Variants in ERBB4 observed in about 807,000 individuals in gnomAD.
The protein encoded by ERBB4 is receptor tyrosine-protein kinase erbB-4.
ERBB4 carries 42 observed loss-of-function variants against 158.0 expected under a neutral mutation model. The ratio of observed to expected loss-of-function variants is 0.27; its 90% CI spans 0.21 to 0.34. ERBB4 has a LOEUF of 0.34. ERBB4 is among the 10% of genes least tolerant of loss of function. ERBB4 has a pLI of 1.00. For synonymous variants in ERBB4, 583 were observed against 558.7 expected, an observed-to-expected ratio of 1.04 and a Z score of -0.61; for missense variants, 1,333 against 1,624.1, an observed-to-expected ratio of 0.82 and a Z score of 3.08.
intron 2 of ERBB4, among the ~76,000 whole-genome samples, chr2:212,067,812 T>C (rs1185080961): frequency 3.3e-5 from 5 of 152,036 alleles, no homozygotes; most frequent in African/African-American, 1.2e-4. Flanking sequence ...GTCTTTAAGA[T>C]TTCACAATAA....
intron 2 of ERBB4, among the ~76,000 whole-genome samples, chr2:211,983,471 G>C (rs1280986823): frequency 1.4e-4 from 21 of 152,160 alleles, no homozygotes. Flanking sequence ...TATTCAATCA[G>C]TATCCCAGTG....
At chr2:212,345,392 T>C (rs1472557504) in intron 1 of ERBB4, among the ~76,000 whole-genome samples, 1 of 152,140 alleles carries the variant, frequency 6.6e-6, no homozygotes, top group African/African-American at 2.4e-5. Flanking sequence ...GTGGAGCAAC[T>C]GTGCTCCCAC....
intron 1 of ERBB4, among the ~76,000 whole-genome samples, chr2:212,371,075 TC>T (rs2090068502): frequency 6.6e-6 from 1 of 152,158 alleles, no homozygotes; most frequent in Admixed American, 6.5e-5. Flanking sequence ...CAGCAGTTTC[TC>T]AGTGAAAGCC....
At chr2:212,410,263 T>TAAGTTA (rs1428892287) in intron 1 of ERBB4, among the ~76,000 whole-genome samples, 1 of 102,978 alleles carries the variant, frequency 9.7e-6, no homozygotes, top group Non-Finnish European at 2.2e-5. Flanking sequence ...TGTGTTAGTG[T>TAAGTTA]GAGTTAGAGA....
intron 1 of ERBB4, among the ~76,000 whole-genome samples, chr2:212,432,878 G>C (rs2092059293): frequency 6.6e-6 from 1 of 151,984 alleles, no homozygotes; most frequent in African/African-American, 2.4e-5. Context: ...TGGTCGGTGA[G>C]GATAGTAATG....
chr2:211,680,996 T>C (rs1454598670), intron 12 of ERBB4, among the ~76,000 whole-genome samples: 1 of 152,226 alleles, frequency 6.6e-6, no homozygotes, highest in Non-Finnish European at 1.5e-5. Flanking sequence ...CATGACCTTA[T>C]GTAATCCTTG....
intron 20 of ERBB4, among the ~76,000 whole-genome samples, chr2:211,481,945 A>C (rs376506933): frequency 6.6e-6 from 1 of 152,158 alleles, no homozygotes; most frequent in Admixed American, 6.5e-5. Flanking sequence ...GAAGAATGTG[A>C]CCCCTGAGAA....
intron 3 of ERBB4, among the ~76,000 whole-genome samples, chr2:211,836,500 G>C (rs1343405069): frequency 2.0e-5 from 3 of 152,004 alleles, no homozygotes; most frequent in Non-Finnish European, 4.4e-5. Context: ...TTTATTAGAA[G>C]GTAGTCACAT....
intron 9 of ERBB4, among the ~76,000 whole-genome samples, chr2:211,710,249 G>T (rs1259722211): frequency 2.0e-5 from 3 of 152,142 alleles, no homozygotes; most frequent in African/African-American, 7.2e-5. Context: ...CACAGTGAAA[G>T]GCTTGAGGCT....
intron 21 of ERBB4, among the ~76,000 whole-genome samples, chr2:211,429,989 C>G (rs2063715162): frequency 6.7e-6 from 1 of 150,164 alleles, no homozygotes; most frequent in Non-Finnish European, 1.5e-5. Context: ...ATGCTGTGGT[C>G]TCAGACTACT....
intron 1 of ERBB4, among the ~76,000 whole-genome samples, chr2:212,537,878 C>T (rs1035950402): frequency 1.6e-4 from 24 of 152,138 alleles, no homozygotes; most frequent in Non-Finnish European, 2.8e-4. Flanking sequence ...CCGCCTGCTG[C>T]ACTCCGGCTG....
chr2:211,602,043 G>C lies in ERBB4; in HGVS notation c.2301+17134C>G, dbSNP rs560440722. Among the ~76,000 whole-genome samples, 3 of 152,142 alleles carry C rather than the reference G, an allele frequency of 2.0e-5. No individual in the cohort carries two copies. In the East Asian group the frequency reaches 5.8e-4, roughly 30 times the overall value. On this transcript the variant is annotated intron_variant, in intron 19 of 27. Transcript: ENST00000342788. Reference sequence around the variant, plus strand: ...TTAAGATTTTAGGTAGCAGTCTCAGGAGGGATGCTGCAGGAAGAAGAGGCT... The same window carrying C: ...TTAAGATTTTAGGTAGCAGTCTCAGCAGGGATGCTGCAGGAAGAAGAGGCT...
chr2:211,871,507 T>TAAA (rs547311934), intron 3 of ERBB4, among the ~76,000 whole-genome samples: 1 of 139,940 alleles, frequency 7.1e-6, no homozygotes. Context: ...GCTTTGGCAT[T>TAAA]AAAAAAAAAA....
chr2:211,680,702 T>C (rs1328139086), intron 12 of ERBB4, among the ~76,000 whole-genome samples: 2 of 152,196 alleles, frequency 1.3e-5, no homozygotes, highest in Non-Finnish European at 2.9e-5. Context: ...TTGTTCTATA[T>C]CCTGGGGTTA....
intron 25 of ERBB4, among the ~76,000 whole-genome samples, chr2:211,418,691 TA>T (rs988846232): frequency 1.3e-5 from 2 of 152,066 alleles, no homozygotes; most frequent in African/African-American, 4.8e-5. Context: ...TATTTTTTTT[TA>T]AATTTCACTG....
At chr2:211,815,038 T>C (rs932496957) in intron 3 of ERBB4, among the ~76,000 whole-genome samples, 1 of 152,208 alleles carries the variant, frequency 6.6e-6, no homozygotes, top group East Asian at 1.9e-4. Flanking sequence ...TACCTCTTTT[T>C]CCTCTCAAAA....
intron 2 of ERBB4, among the ~76,000 whole-genome samples, chr2:212,095,047 T>A (rs548457041): frequency 6.6e-6 from 1 of 152,218 alleles, no homozygotes; most frequent in Non-Finnish European, 1.5e-5. Flanking sequence ...AGTAATATTC[T>A]TGGGGAAGAG....
chr2:212,520,693 T>C (rs1473459191), intron 1 of ERBB4, among the ~76,000 whole-genome samples: 5 of 152,104 alleles, frequency 3.3e-5, no homozygotes, highest in South Asian at 4.1e-4. Flanking sequence ...AGTTTCCACA[T>C]TGGTTGATAG....
chr2:211,416,765 G>C (rs137981845), intron 25 of ERBB4, among the ~76,000 whole-genome samples: 1 of 151,012 alleles, frequency 6.6e-6, no homozygotes, highest in Non-Finnish European at 1.5e-5. Context: ...CCTGCCTATA[G>C]CTTCCCCAGG....
Sources: allele counts gnomAD v4.1 joint callset (sites outside exome capture counted in the v4.1 genomes callset), GRCh38; gene constraint gnomAD v4.1.1; transcripts MANE v1.5; gene names NCBI Gene and HGNC (gene_info 2026-07-23, HGNC 2026-07-21).